The following PSD3 variants were observed in gnomAD, a reference collection of about 807,000 sequenced individuals.
PSD3 encodes the protein pleckstrin and Sec7 domain containing 3.
Under a neutral mutation model 105.5 loss-of-function variants are expected in PSD3, and 49 were observed. The ratio of observed to expected loss-of-function variants is 0.46; its 90% CI spans 0.37 to 0.59. The LOEUF (loss-of-function observed/expected upper bound fraction) is 0.59. Among genes scored for constraint, PSD3 ranks in the 20% least tolerant of loss-of-function variants. PSD3 has a pLI of 0.00. For missense variants in PSD3, 1,561 were observed against 1,263.8 expected (o/e 1.24, Z -3.57); for synonymous variants, 557 against 457.8 (o/e 1.22, Z -2.77).
At chr8:18,536,118 G>C (rs1799831830) in intron 15 of PSD3, among the ~76,000 whole-genome samples, 160 bp from the exon 16 acceptor site, 1 of 152,228 alleles carries the variant, frequency 6.6e-6, no homozygotes, top group Admixed American at 6.5e-5. Flanking sequence ...CTGGGCACAT[G>C]AGAGGCAACT....
chr8:18,845,957 T>G (rs1299424466), intron 4 of PSD3, among the ~76,000 whole-genome samples: 1 of 152,222 alleles, frequency 6.6e-6, no homozygotes, highest in Non-Finnish European at 1.5e-5. Flanking sequence ...CTCCACTCAA[T>G]ACTGTTCGCC....
intron 11 of PSD3, among the ~76,000 whole-genome samples, chr8:18,630,117 C>T (rs1027969671): frequency 6.6e-6 from 1 of 151,750 alleles, no homozygotes; most frequent in Non-Finnish European, 1.5e-5. Flanking sequence ...CCCTTTGGTT[C>T]TGAGGCAGGA....
intron 1 of PSD3, among the ~76,000 whole-genome samples, chr8:18,953,316 T>TTGTG (rs34547370): frequency 6.6e-6 from 1 of 151,398 alleles, no homozygotes; most frequent in Non-Finnish European, 1.5e-5. Flanking sequence ...TGTGTGTATG[T>TTGTG]TGTGTGTGTG....
chr8:18,724,191 G>A (rs768948987), intron 9 of PSD3, among the ~76,000 whole-genome samples: 6 of 152,148 alleles, frequency 3.9e-5, no homozygotes, highest in African/African-American at 1.4e-4. Context: ...GCATCAGGAC[G>A]AGTAGAGGGG....
At chr8:18,664,625 CT>C (rs1323134375) in intron 9 of PSD3, among the ~76,000 whole-genome samples, 4 of 152,228 alleles carry the variant, frequency 2.6e-5, no homozygotes, top group African/African-American at 9.6e-5. Flanking sequence ...GCTAAGATCA[CT>C]GATGAAGGTG....
chr8:19,060,268 C>T (rs1563537256), intron 1 of PSD3, among the ~76,000 whole-genome samples: 1 of 152,114 alleles, frequency 6.6e-6, no homozygotes, highest in African/African-American at 2.4e-5. Flanking sequence ...AAATGAGTTT[C>T]CAAGAAACAG....
intron 9 of PSD3, among the ~76,000 whole-genome samples, chr8:18,701,148 T>TTC (rs1563182382): frequency 6.6e-6 from 1 of 150,486 alleles, no homozygotes; most frequent in East Asian, 2.0e-4. Flanking sequence ...TTTTTTTTTT[T>TTC]CTGTAGAGAC....
In PSD3 at chr8:18,872,454, G is replaced by A. The variant is rs764669214; in HGVS notation, c.410C>T (p.Ala137Val). ...SLQPIDSLIS[A>V]LKATEARIIS... is the part of the protein sequence containing the mutation. Reference sequence around the variant, plus strand: ...GATTCTGGCTTCTGTGGCTTTCAGAGCTGAAATCAAAGAGTCAATGGGCTG... The same window carrying A: ...GATTCTGGCTTCTGTGGCTTTCAGAACTGAAATCAAAGAGTCAATGGGCTG... The change falls in exon 3 of 16, where the codon GCT becomes GTT. Residue 137 changes from alanine (A) to valine (V), a missense_variant. Coordinates refer to ENST00000327040, the MANE Select transcript of PSD3 (RefSeq NM_015310.4). 1 of 1,614,188 alleles carries A rather than the reference G, an allele frequency of 6.2e-7. No homozygotes were observed. Among genetic ancestry groups the A allele is most frequent in the South Asian group, 1.1e-5 (1 of 91,086 alleles).
chr8:18,859,298 C>T (rs1407022552), intron 4 of PSD3, among the ~76,000 whole-genome samples: 1 of 146,784 alleles, frequency 6.8e-6, no homozygotes, highest in Non-Finnish European at 1.5e-5. Context: ...ATCATGCTGT[C>T]AGCAGATGTG....
At chr8:18,920,679 C>T (rs370179121) in intron 2 of PSD3, among the ~76,000 whole-genome samples, 16 of 152,186 alleles carry the variant, frequency 1.1e-4, no homozygotes, top group African/African-American at 3.9e-4. Flanking sequence ...TTTTCTCCTA[C>T]ATGAATGTCC....
chr8:19,012,147 C>T (rs568428798), intron 1 of PSD3, among the ~76,000 whole-genome samples: 1 of 151,738 alleles, frequency 6.6e-6, no homozygotes, highest in South Asian at 2.1e-4. Flanking sequence ...AGATCCAAGT[C>T]CCTTTCTTGA....
At chr8:18,697,390 A>C (rs1255991495) in intron 9 of PSD3, among the ~76,000 whole-genome samples, 1 of 152,206 alleles carries the variant, frequency 6.6e-6, no homozygotes, top group Non-Finnish European at 1.5e-5. Flanking sequence ...ATAAGACTCA[A>C]AACATTTTCT....
chr8:18,891,096 C>T (rs936380181), intron 2 of PSD3, among the ~76,000 whole-genome samples: 25 of 152,308 alleles, frequency 1.6e-4, no homozygotes, highest in African/African-American at 5.5e-4. Context: ...ACATCACACA[C>T]ACCCAATTAA....
intron 2 of PSD3, among the ~76,000 whole-genome samples, chr8:18,900,796 T>C (rs544395445): frequency 1.3e-5 from 2 of 151,982 alleles, no homozygotes; most frequent in African/African-American, 2.4e-5. Context: ...TGCACCAACA[T>C]GGAGATCACT....
At chr8:18,647,912 G>C (rs1016654649) in intron 10 of PSD3, among the ~76,000 whole-genome samples, 40 of 152,160 alleles carry the variant, frequency 2.6e-4, no homozygotes, top group African/African-American at 9.2e-4. Flanking sequence ...GCCATGTGAA[G>C]TGCCAGCTCC....
At chr8:18,814,884 A>T (rs1812074415) in intron 4 of PSD3, among the ~76,000 whole-genome samples, 1 of 152,216 alleles carries the variant, frequency 6.6e-6, no homozygotes, top group Non-Finnish European at 1.5e-5. Flanking sequence ...TGCACTGGAC[A>T]TCAGAAGCTG....
At chr8:19,012,679 C>T (rs200657711) in intron 1 of PSD3, among the ~76,000 whole-genome samples, 1 of 152,226 alleles carries the variant, frequency 6.6e-6, no homozygotes, top group African/African-American at 2.4e-5. Context: ...ACCTAGCTAC[C>T]GGGCTTTGCA....
intron 9 of PSD3, among the ~76,000 whole-genome samples, chr8:18,723,400 AG>A (rs1406422989): frequency 2.0e-5 from 3 of 152,246 alleles, no homozygotes; most frequent in African/African-American, 7.2e-5. Flanking sequence ...TTCATCATCC[AG>A]TGCACTTTCT....
chr8:18,921,078 C>A lies in PSD3; in HGVS notation c.130+14956G>T, dbSNP rs527386642. On this transcript the variant is annotated intron_variant, in intron 2 of 15. Coordinates refer to ENST00000327040, the MANE Select transcript of PSD3 (RefSeq NM_015310.4). ...ATGACAGTTTCACAGATATGAGAAA[C>A]CTTCTTCAGAAATCCTTGAAAAAAC... Among the ~76,000 whole-genome samples, 27 of 152,274 alleles carry A rather than the reference C, an allele frequency of 1.8e-4. No homozygotes were observed. The South Asian group carries it at 5.6e-3, about 32-fold the overall frequency.
Sources: allele counts gnomAD v4.1 joint callset (sites outside exome capture counted in the v4.1 genomes callset), GRCh38; gene constraint gnomAD v4.1.1; transcripts MANE v1.5; gene names NCBI Gene and HGNC (gene_info 2026-07-23, HGNC 2026-07-21).